Variants in DLGAP1 observed in about 807,000 individuals in gnomAD.
DLGAP1 encodes disks large-associated protein 1.
A neutral mutation model predicts 90.8 loss-of-function variants in DLGAP1; 11 were observed. The observed-to-expected ratio is 0.12, with a 90% confidence interval of 0.08 to 0.20. DLGAP1 has a LOEUF of 0.20. Among genes scored for constraint, DLGAP1 ranks in the 10% least tolerant of loss-of-function variants. The pLI is 1.00. For synonymous variants in DLGAP1, 558 were observed against 540.7 expected (o/e 1.03, Z -0.44); for missense variants, 1,050 against 1,333.8 (o/e 0.79, Z 3.31).
intron 2 of DLGAP1, among the ~76,000 whole-genome samples, chr18:4,148,590 C>T (rs1193654998): frequency 6.6e-6 from 1 of 152,148 alleles, no homozygotes; most frequent in African/African-American, 2.4e-5. Context: ...ACTCAGTTTG[C>T]ATGTCGTGGA....
chr18:3,559,612 G>A (rs985824249), intron 9 of DLGAP1, among the ~76,000 whole-genome samples: 42 of 146,548 alleles, frequency 2.9e-4, no homozygotes, highest in African/African-American at 8.0e-4. Context: ...CATTTACCAC[G>A]AATCCAATCC....
intron 9 of DLGAP1, among the ~76,000 whole-genome samples, chr18:3,555,606 T>C (rs1385798689): frequency 6.6e-6 from 1 of 151,604 alleles, no homozygotes; most frequent in Non-Finnish European, 1.5e-5. Context: ...AAGTCAGGAG[T>C]TCGAGACCAG....
intron 1 of DLGAP1, among the ~76,000 whole-genome samples, chr18:4,284,547 T>C (rs1568490322): frequency 6.6e-6 from 1 of 152,142 alleles, no homozygotes; most frequent in Non-Finnish European, 1.5e-5. Context: ...TGGCCTTTGA[T>C]GTATGGTAGT....
At chr18:4,348,706 G>A (rs2143949357) in intron 1 of DLGAP1, among the ~76,000 whole-genome samples, 1 of 152,226 alleles carries the variant, frequency 6.6e-6, no homozygotes, top group South Asian at 2.1e-4. Flanking sequence ...GCCACAGTGA[G>A]CATGTGCTCA....
intron 9 of DLGAP1, among the ~76,000 whole-genome samples, chr18:3,547,097 C>G (rs565385345): frequency 2.6e-5 from 4 of 151,822 alleles, no homozygotes; most frequent in Admixed American, 2.6e-4. Context: ...GTCAGGAGAT[C>G]GAGACCATCC....
At chr18:3,745,980 T>C (rs976338722) in intron 5 of DLGAP1, among the ~76,000 whole-genome samples, 2 of 152,158 alleles carry the variant, frequency 1.3e-5, no homozygotes, top group African/African-American at 4.8e-5. Flanking sequence ...TGTGCCACCA[T>C]GCCCGGCCTC....
intron 3 of DLGAP1, among the ~76,000 whole-genome samples, chr18:3,890,181 A>G (rs1328887380): frequency 6.6e-6 from 1 of 152,254 alleles, no homozygotes; most frequent in African/African-American, 2.4e-5. Flanking sequence ...AGTGGCCCCA[A>G]CAGAATTGGC....
At chr18:4,174,249 T>G (rs1183568259) in intron 1 of DLGAP1, among the ~76,000 whole-genome samples, 1 of 152,188 alleles carries the variant, frequency 6.6e-6, no homozygotes, top group Non-Finnish European at 1.5e-5. Context: ...GTGGTAGAAT[T>G]CCAGTCCTTA....
At chr18:3,942,359 G>A (rs956646008) in intron 3 of DLGAP1, among the ~76,000 whole-genome samples, 2 of 152,192 alleles carry the variant, frequency 1.3e-5, no homozygotes, top group African/African-American at 4.8e-5. Flanking sequence ...GCTGGTGTCG[G>A]AAGGCAGGCG....
intron 11 of DLGAP1, among the ~76,000 whole-genome samples, chr18:3,505,181 C>T (rs2050147997): frequency 6.6e-6 from 1 of 151,900 alleles, no homozygotes; most frequent in Non-Finnish European, 1.5e-5. Flanking sequence ...GCTGAGTCTG[C>T]TCCATGAGCA....
chr18:4,301,176 ACATT>A (rs1160436190), intron 1 of DLGAP1, among the ~76,000 whole-genome samples: 1 of 152,140 alleles, frequency 6.6e-6, no homozygotes, highest in Non-Finnish European at 1.5e-5. Flanking sequence ...AATGTACAAT[ACATT>A]ATTTTTAATT....
At chr18:4,407,596 A>G (rs1426033903) in intron 1 of DLGAP1, among the ~76,000 whole-genome samples, 2 of 152,168 alleles carry the variant, frequency 1.3e-5, no homozygotes, top group Admixed American at 6.6e-5. Context: ...AGTATCTAAC[A>G]GGCCGAGTGC....
chr18:3,583,217 C>T (rs1195674080), intron 7 of DLGAP1, among the ~76,000 whole-genome samples: 1 of 151,266 alleles, frequency 6.6e-6, no homozygotes, highest in Non-Finnish European at 1.5e-5. Context: ...TTCCTTCCCT[C>T]CTCCCTCCCT....
At chr18:4,299,104 A>AAAAAAAAAAC (rs1555779074) in intron 1 of DLGAP1, among the ~76,000 whole-genome samples, 5 of 131,756 alleles carry the variant, frequency 3.8e-5, no homozygotes, top group Admixed American at 8.1e-5. Flanking sequence ...AAAAAAAAAA[A>AAAAAAAAAAC]AAAAAATAGA....
At chr18:3,688,494 T>C (rs957922582) in intron 7 of DLGAP1, among the ~76,000 whole-genome samples, 5 of 151,346 alleles carry the variant, frequency 3.3e-5, no homozygotes, top group Non-Finnish European at 5.9e-5. Flanking sequence ...AAAAGAAAAA[T>C]GTGAAATGCC....
intron 5 of DLGAP1, among the ~76,000 whole-genome samples, chr18:3,749,191 C>T (rs1754650101): frequency 6.8e-6 from 1 of 147,478 alleles, no homozygotes; most frequent in African/African-American, 2.5e-5. Flanking sequence ...ACTCTGTTGC[C>T]CAGGCTGGAG....
chr18:4,337,499 G>A (rs566672525), intron 1 of DLGAP1, among the ~76,000 whole-genome samples: 3 of 152,160 alleles, frequency 2.0e-5, no homozygotes, highest in Admixed American at 2.0e-4. Context: ...CAAAGAGATG[G>A]CTTTTTAAAA....
intron 5 of DLGAP1, among the ~76,000 whole-genome samples, chr18:3,751,209 T>A (rs188343270): frequency 1.1e-3 from 172 of 152,304 alleles, no homozygotes; most frequent in Non-Finnish European, 1.9e-3. Context: ...TCTCATGAAA[T>A]GGATGAGTAA....
chr18:4,312,084 C>T (rs954992592), intron 1 of DLGAP1, among the ~76,000 whole-genome samples: 3 of 152,170 alleles, frequency 2.0e-5, no homozygotes, highest in Non-Finnish European at 4.4e-5. Flanking sequence ...CTCCTGGCCT[C>T]AAGTGATCTG....
Sources: allele counts gnomAD v4.1 joint callset (sites outside exome capture counted in the v4.1 genomes callset), GRCh38; gene constraint gnomAD v4.1.1; transcripts MANE v1.5; gene names NCBI Gene and HGNC (gene_info 2026-07-23, HGNC 2026-07-21).